The following ANO2 variants were observed in gnomAD, a reference collection of about 807,000 sequenced individuals.
ANO2 encodes anoctamin 2, also known as anoctamin-2.
Under a neutral mutation model 124.2 loss-of-function variants are expected in ANO2, and 101 were observed. The ratio of observed to expected loss-of-function variants is 0.81; its 90% confidence interval spans 0.69 to 0.96. The LOEUF is 0.96. Among genes scored for constraint, ANO2 ranks in the 40% least tolerant of loss-of-function variants. ANO2 has a pLI of 0.00. For missense variants in ANO2, 1,293 were observed against 1,274.5 expected (o/e 1.01, Z -0.22); for synonymous variants, 486 against 482.5 (o/e 1.01, Z -0.09).
chr12:5,613,288 G>A (rs745311514), intron 17 of ANO2, among the ~76,000 whole-genome samples: 7 of 152,082 alleles, frequency 4.6e-5, no homozygotes, highest in Non-Finnish European at 7.4e-5. Flanking sequence ...GTGCACTGTC[G>A]TCACACCTTC....
chr12:5,643,949 A>G (rs1054739327), intron 15 of ANO2, among the ~76,000 whole-genome samples: 1 of 152,126 alleles, frequency 6.6e-6, no homozygotes, highest in African/African-American at 2.4e-5. Flanking sequence ...AGTTGTTGCA[A>G]ATATATTATC....
In ANO2 at chr12:5,827,837, G is replaced by A. The variant is rs765391112; in HGVS notation, c.841-17C>T. ...CTCGTGCACCTAAAAGGGGACGACA[G>A]CAGAGCTGTGAGCTCCTAGTTCCCC... On this transcript the variant is annotated splice_polypyrimidine_tract_variant and intron_variant, in intron 6 of 24. Transcript: ENST00000682330. 52 of 1,606,264 alleles carry A rather than the reference G, an allele frequency of 3.2e-5. 1 individual carries two copies. The Middle Eastern group carries it at 4.9e-4, about 15-fold the overall frequency.
intron 4 of ANO2, among the ~76,000 whole-genome samples, chr12:5,851,052 A>AT (rs398097964): frequency 6.6e-6 from 1 of 151,608 alleles, no homozygotes; most frequent in African/African-American, 2.4e-5. Context: ...CAAGGTTAGA[A>AT]GTCTCTTCTT....
chr12:5,564,807 G>A (rs1321763885), intron 24 of ANO2, among the ~76,000 whole-genome samples: 7 of 152,150 alleles, frequency 4.6e-5, no homozygotes, highest in Non-Finnish European at 1.0e-4. Flanking sequence ...AAGACTAGCC[G>A]ATGGGCTTCT....
At chr12:5,865,370 C>T (rs1955389962) in intron 3 of ANO2, among the ~76,000 whole-genome samples, 1 of 150,936 alleles carries the variant, frequency 6.6e-6, no homozygotes, top group African/African-American at 2.5e-5. Context: ...ATCATGCATT[C>T]AAACCATCAT....
intron 14 of ANO2, among the ~76,000 whole-genome samples, chr12:5,667,769 T>C (rs1403900619): frequency 2.0e-5 from 3 of 152,232 alleles, no homozygotes; most frequent in Non-Finnish European, 2.9e-5. Flanking sequence ...TTCTCATTTG[T>C]TCAGCTCCCA....
At chr12:5,585,812 T>C (rs1943084268) in intron 20 of ANO2, among the ~76,000 whole-genome samples, 1 of 152,210 alleles carries the variant, frequency 6.6e-6, no homozygotes, top group Admixed American at 6.5e-5. Context: ...AAATCATTAC[T>C]GAGGACCTTT....
intron 10 of ANO2, among the ~76,000 whole-genome samples, chr12:5,779,400 C>T (rs1952321224): frequency 6.6e-6 from 1 of 152,164 alleles, no homozygotes; most frequent in African/African-American, 2.4e-5. Flanking sequence ...CAGGAATACG[C>T]CATGGTTTTA....
chr12:5,715,524 A>G (rs1279782054), intron 14 of ANO2, among the ~76,000 whole-genome samples: 1 of 152,224 alleles, frequency 6.6e-6, no homozygotes, highest in Non-Finnish European at 1.5e-5. Context: ...AACATCTAAG[A>G]TGATGACCCA....
In ANO2 at chr12:5,944,928, C is replaced by T. The variant is rs79077340; in HGVS notation, c.22+268G>A. ...TGGTAACCAATCACAGAGAAGCGGC[C>T]GCCCAAACCTCTGTTGTCCTACCTT... On this transcript the variant is annotated intron_variant, in intron 1 of 24. Coordinates refer to ENST00000682330, the MANE Select transcript of ANO2 (RefSeq NM_001364791.2). 5.3e-5 allele frequency among the ~76,000 whole-genome samples: 8 copies of T among 152,002 alleles called. No homozygotes were observed. The East Asian group carries it at 1.5e-3, about 29-fold the overall frequency.
At chr12:5,917,312 T>C (rs142460194) in intron 3 of ANO2, among the ~76,000 whole-genome samples, 3 of 152,078 alleles carry the variant, frequency 2.0e-5, no homozygotes, top group East Asian at 1.9e-4. Flanking sequence ...TTCAGATCCA[T>C]AGTGAATAAT....
At chr12:5,610,180 TAC>T (rs1944430335) in intron 19 of ANO2, among the ~76,000 whole-genome samples, 1 of 73,132 alleles carries the variant, frequency 1.4e-5, no homozygotes, top group South Asian at 3.1e-4. Context: ...CTTATATAAA[TAC>T]TTATATAAAT....
intron 4 of ANO2, among the ~76,000 whole-genome samples, chr12:5,851,450 A>G (rs925490206): frequency 2.6e-5 from 4 of 152,180 alleles, no homozygotes; most frequent in African/African-American, 4.8e-5. Flanking sequence ...CACTTTGGGA[A>G]GCCGAGGCGG....
chr12:5,945,348 TC>T, upstream of ANO2: 1 of 918,850 alleles, frequency 1.1e-6, no homozygotes, highest in Non-Finnish European at 1.3e-6. Flanking sequence ...CGCCTCCTCC[TC>T]CCCCATCCCT....
chr12:5,831,872 G>T (rs1591669197), intron 5 of ANO2, among the ~76,000 whole-genome samples: 2 of 152,084 alleles, frequency 1.3e-5, no homozygotes, highest in East Asian at 3.9e-4. Context: ...GTTGATGCTT[G>T]GCGGCTGCAT....
chr12:5,944,743 G>A (rs1034082477), intron 1 of ANO2, among the ~76,000 whole-genome samples: 3 of 152,106 alleles, frequency 2.0e-5, no homozygotes, highest in Non-Finnish European at 4.4e-5. Context: ...GGCCACTCCA[G>A]GGATGCCAAA....
chr12:5,813,671 TC>T (rs1953506845), intron 7 of ANO2, among the ~76,000 whole-genome samples: 1 of 152,092 alleles, frequency 6.6e-6, no homozygotes, highest in Non-Finnish European at 1.5e-5. Context: ...CCTCTCAACC[TC>T]TCTGAGGCCT....
rs57443240 is a variant in ANO2 at position 5,818,447 on chromosome 12, TTATATATATATATATATATA to T, written c.892+9302_892+9321del. Among the ~76,000 whole-genome samples, 417 of 82,948 alleles carry T rather than the reference TTATATATATATATATATATA, an allele frequency of 5.0e-3. 12 individuals are homozygous for T. The highest frequency in any genetic ancestry group is 0.016 in the Middle Eastern group (2 of 126). The allele number at this position is 82,948 out of a possible 152,430, so 54.4% of individuals were successfully genotyped here. Reference sequence around the variant, plus strand: ...TGAGTTAATACTTAATAAACTCATATTATATATATATATATATATATATATATATATATATATATATATAT... The same window carrying T: ...TGAGTTAATACTTAATAAACTCATATTATATATATATATATATATATATAT... On this transcript the variant is annotated intron_variant, in intron 7 of 24. Transcript: ENST00000682330.
Position 5,769,105 on chromosome 12 carries a change from G to A in ANO2, c.1056-18135C>T, listed in dbSNP as rs1283411046. Among the ~76,000 whole-genome samples, 1 of 152,138 alleles carries A rather than the reference G, an allele frequency of 6.6e-6. No individual in the cohort carries two copies. Among genetic ancestry groups the A allele is most frequent in the East Asian group, 1.9e-4 (1 of 5,188 alleles). On this transcript the variant is annotated intron_variant, in intron 10 of 24. Coordinates refer to ENST00000682330, the MANE Select transcript of ANO2 (RefSeq NM_001364791.2). This position sits in a 1 kb window ranked among gnomAD's most constrained non-coding sequence, Gnocchi z 4.0. ...GCTCAAAAATTCCAGAAAGGCAGAGGAAGAAAACACACCATTTGCAAGGAG... is the reference window on the plus strand; with the variant it reads ...GCTCAAAAATTCCAGAAAGGCAGAGAAAGAAAACACACCATTTGCAAGGAG...
Sources: gnomAD v4.1 joint callset for allele counts (sites outside exome capture counted in the v4.1 genomes callset) on GRCh38, gnomAD v4.1.1 for gene constraint, Gnocchi (gnomAD v3.1) non-coding constraint, MANE v1.5 for transcripts, NCBI Gene and HGNC (gene_info 2026-07-23, HGNC 2026-07-21) for gene names.